Variants in PBK observed in about 807,000 individuals in gnomAD.
The protein encoded by PBK is lymphokine-activated killer T-cell-originated protein kinase.
Under a neutral mutation model 33.5 loss-of-function variants are expected in PBK, and 22 were observed. The observed-to-expected ratio is 0.66, with a 90% confidence interval of 0.47 to 0.94. PBK has a LOEUF of 0.94. Ranked by LOEUF, PBK falls within the 40% of genes least tolerant of loss-of-function variation. The pLI, the probability that PBK is intolerant of heterozygous loss-of-function variation, is 0.00. For synonymous variants in PBK, 129 were observed against 123.8 expected (o/e 1.04, Z -0.28); for missense variants, 376 against 383.4 (o/e 0.98, Z 0.16).
At chr8:27,821,877 TATC>T (rs36115525) in intron 5 of PBK, among the ~76,000 whole-genome samples, 6,947 of 151,332 alleles carry the variant, frequency 0.046, 230 homozygotes, top group Non-Finnish European at 0.07. Context: ...AAGATTATAA[TATC>T]ATATTTTGAT....
chr8:27,823,205 T>G lies in PBK; in HGVS notation c.153A>C (p.Arg51Ser), dbSNP rs541416252. ...GTGVNVYLMK[R>S]SPRGLSHSPW... The stretch of plus-strand genomic sequence containing the variant: ...GAGAATGAGACAAACCTCTTGGAGA[T>G]CTAAGAAAAAAATTCATTTAAAAAG... The change falls in exon 4 of 8, where the codon AGA becomes AGC. Residue 51 changes from arginine to serine, a missense_variant and splice_region_variant. Physicochemically the swap from Arg to Ser is moderately radical, Grantham distance 110. Transcript: ENST00000301905. The G allele has an allele frequency of 6.7e-7, 1 of 1,492,106 alleles. No individual in the cohort carries two copies. Among genetic ancestry groups the G allele is most frequent in the Admixed American group, 2.1e-5 (1 of 47,010 alleles). 92.4% of individuals were successfully genotyped at this position (1,492,106 alleles called of 1,614,324 possible).
In PBK at chr8:27,820,688, G is replaced by GC; in HGVS notation, c.471dup (p.His158AlafsTer19). On this transcript the variant is annotated frameshift_variant, in exon 6 of 8. Coordinates refer to ENST00000301905, the MANE Select transcript of PBK (RefSeq NM_018492.4). LOFTEE classifies it high-confidence loss of function. ...CCATGAAGCAGTTTCTTTTCTTGGT[G>GC]CAGATACTAAAATAGTAAAAAATTT... The GC allele has an allele frequency of 6.5e-7, 1 of 1,541,900 alleles. No individual in the cohort carries two copies. The highest frequency in any genetic ancestry group is 2.3e-5 in the East Asian group (1 of 44,294).
chr8:27,828,599 C>A (rs1432673545), intron 2 of PBK, among the ~76,000 whole-genome samples: 1 of 146,098 alleles, frequency 6.8e-6, no homozygotes, highest in Admixed American at 6.7e-5. Flanking sequence ...CATCTCTACA[C>A]ACGAAAAAAT....
chr8:27,828,109 TCA>T lies in PBK; in HGVS notation c.146_147del (p.Met49LysfsTer18). The T allele has an allele frequency of 4.2e-6, 6 of 1,436,476 alleles. No individual in the cohort carries two copies. In the South Asian group the frequency reaches 7.0e-5, roughly 17 times the overall value. 89.0% of individuals were successfully genotyped at this position (1,436,476 alleles called of 1,614,324 possible). A position where few individuals can be genotyped will look rare whatever the true frequency, so the allele number is the denominator to read the frequency against. ...AATCTGAAATCTTATACTTACCTTT[TCA>T]TTAGGTACACATTTACCCCAGTACC... Reference protein sequence around the residue: ...GFGTGVNVYLMKRSPRGLSHS... With the variant: ...GFGTGVNVYLXKRSPRGLSHS... On this transcript the variant is annotated frameshift_variant, in exon 3 of 8. Transcript: ENST00000301905. LOFTEE classifies it high-confidence loss of function.
intron 1 of PBK, 51 bp from the exon 2 acceptor site, chr8:27,833,184 T>C (rs1806162226): frequency 2.0e-6 from 2 of 978,514 alleles, no homozygotes; most frequent in African/African-American, 1.7e-5. Flanking sequence ...AGAATACAAC[T>C]CTCATTCATG....
chr8:27,815,237 A>C (rs1013572956), intron 6 of PBK, among the ~76,000 whole-genome samples: 1 of 152,220 alleles, frequency 6.6e-6, no homozygotes, highest in African/African-American at 2.4e-5. Flanking sequence ...AAGCCAGGAA[A>C]TTGAAGATTC....
intron 2 of PBK, among the ~76,000 whole-genome samples, chr8:27,829,448 A>G (rs560362067): frequency 3.9e-5 from 6 of 152,370 alleles, no homozygotes; most frequent in African/African-American, 1.2e-4. Flanking sequence ...TCAGACCATA[A>G]CTAAATCAAA....
chr8:27,820,504 T>TA lies in PBK; in HGVS notation c.595+60dup, dbSNP rs1477233065. 4.0e-5 allele frequency: 38 copies of TA among 942,540 alleles called. 1 individual carries two copies. In the Admixed American group the frequency reaches 6.1e-4, roughly 15 times the overall value. The allele number at this position is 942,540 out of a possible 1,614,324, so 58.4% of individuals were successfully genotyped here. A position where few individuals can be genotyped will look rare whatever the true frequency, so the allele number is the denominator to read the frequency against. ...GATTTTTGATCCATGTGGACTTACG[T>TA]ATTTAAAAATGTAAACACTGTATTA... On this transcript the variant is annotated intron_variant, in intron 6 of 7. Coordinates refer to ENST00000301905, the MANE Select transcript of PBK (RefSeq NM_018492.4).
chr8:27,833,995 G>A (rs1170930040), intron 1 of PBK, among the ~76,000 whole-genome samples: 3 of 149,962 alleles, frequency 2.0e-5, no homozygotes, highest in Non-Finnish European at 4.4e-5. Context: ...AATGAAAGAA[G>A]CCAGACACAT....
intron 4 of PBK, 62 bp from the exon 5 acceptor site, chr8:27,822,550 TA>T: frequency 9.1e-7 from 1 of 1,102,798 alleles, no homozygotes; most frequent in Non-Finnish European, 1.3e-6. Context: ...TTAAGTCCTT[TA>T]TAGTAACGTG....
intron 6 of PBK, chr8:27,812,493 T>C (rs909372506): frequency 6.6e-6 from 1 of 151,904 alleles, no homozygotes; most frequent in Non-Finnish European, 1.5e-5. Context: ...ATTAAAGAGC[T>C]TCTGCACAGC....
Position 27,820,589 on chromosome 8 carries a change from G to T in PBK, c.571C>A (p.Leu191Ile), listed in dbSNP as rs370697278. The T allele has an allele frequency of 1.0e-5, 16 of 1,583,156 alleles. No homozygotes were observed. The highest frequency in any genetic ancestry group is 1.4e-5 in the Non-Finnish European group (16 of 1,156,482). ...TIKICDVGVS[L>I]PLDENMTVTD... ...CCAGTCATATTTTCATCCAGTGGTA[G>T]AGAGACTCCTACATCACAGATTTTA... Residue 191 changes from leucine (L) to isoleucine (I), a missense_variant, in exon 6 of 8, where the codon CTA becomes ATA. Leu to Ile is a conservative substitution (Grantham distance 5, BLOSUM62 2). Transcript: ENST00000301905.
chr8:27,823,334 G>T, intron 3 of PBK, 129 bp from the exon 4 acceptor site: 1 of 600,386 alleles, frequency 1.7e-6, no homozygotes, highest in Non-Finnish European at 2.9e-6. Context: ...AAAATAGTTT[G>T]GACTATGAAC....
intron 6 of PBK, among the ~76,000 whole-genome samples, chr8:27,818,740 CT>C (rs1030917195): frequency 1.3e-5 from 2 of 151,214 alleles, no homozygotes; most frequent in African/African-American, 2.4e-5. Context: ...ATATAGAATT[CT>C]TTTTTTTTAA....
chr8:27,812,978 C>A (rs1386548516), intron 6 of PBK, among the ~76,000 whole-genome samples: 5 of 152,120 alleles, frequency 3.3e-5, no homozygotes, highest in African/African-American at 1.2e-4. Flanking sequence ...GGGTATACAC[C>A]CAAAGGATTA....
rs1805951326 is a variant in PBK at position 27,822,575 on chromosome 8, A to G, written c.296-87T>C. On this transcript the variant is annotated intron_variant, in intron 4 of 7. Transcript: ENST00000301905. ...TATAGTAACGTGATTGAAAATATGG[A>G]TCTGGACTAACGCTGACAAATATAC... 8 of 825,462 alleles carry G rather than the reference A, an allele frequency of 9.7e-6. No individual in the cohort carries two copies. The East Asian group carries it at 2.2e-4, about 22-fold the overall frequency. 51.1% of individuals were successfully genotyped at this position (825,462 alleles called of 1,614,324 possible). A position where few individuals can be genotyped will look rare whatever the true frequency, so the allele number is the denominator to read the frequency against.
At chr8:27,816,343 C>CT (rs1554559818) in intron 6 of PBK, among the ~76,000 whole-genome samples, 4 of 136,370 alleles carry the variant, frequency 2.9e-5, no homozygotes, top group African/African-American at 8.8e-5. Flanking sequence ...TCATCGAATA[C>CT]TATATATATA....
In PBK at chr8:27,810,248, T is replaced by C; in HGVS notation, c.*57A>G. ...CTAATAACTACTGATAGTAACTATGTAAATATTTTGGAATAAACAGTTATT... is the reference window on the plus strand; with the variant it reads ...CTAATAACTACTGATAGTAACTATGCAAATATTTTGGAATAAACAGTTATT... On this transcript the variant is annotated 3_prime_UTR_variant, in exon 8 of 8. Coordinates refer to ENST00000301905, the MANE Select transcript of PBK (RefSeq NM_018492.4). 8.4e-7 allele frequency: 1 copy of C among 1,184,214 alleles called. No homozygotes were observed. The highest frequency in any genetic ancestry group is 1.2e-6 in the Non-Finnish European group (1 of 800,006). 73.4% of individuals were successfully genotyped at this position (1,184,214 alleles called of 1,614,324 possible).
chr8:27,819,246 T>C (rs1805874399), intron 6 of PBK, among the ~76,000 whole-genome samples: 1 of 152,162 alleles, frequency 6.6e-6, no homozygotes, highest in Admixed American at 6.5e-5. Context: ...TAAGATTATG[T>C]AGAATTTATA....
Sources: gnomAD v4.1 joint callset for allele counts (sites outside exome capture counted in the v4.1 genomes callset) on GRCh38, gnomAD v4.1.1 for gene constraint, MANE v1.5 for transcripts, NCBI Gene and HGNC (gene_info 2026-07-23, HGNC 2026-07-21) for gene names.